Variants in ZNF516 observed in about 807,000 individuals in gnomAD.
ZNF516 encodes zinc finger protein 516.
In ZNF516, 19 loss-of-function variants were observed where a neutral mutation model predicts 79.7. The ratio of observed to expected loss-of-function variants is 0.24; its 90% confidence interval spans 0.17 to 0.35. The LOEUF is 0.35. ZNF516 is among the 10% of genes least tolerant of loss of function. The probability of loss-of-function intolerance (pLI) is 1.00; values close to 1 mark genes in which losing one functional copy is unlikely to be tolerated. For synonymous variants in ZNF516, 877 were observed against 739.5 expected (o/e 1.19, Z -3.02); for missense variants, 1,678 against 1,679.5 (o/e 1.00, Z 0.02).
At chr18:76,366,657 C>A (rs573711402) in intron 6 of ZNF516, among the ~76,000 whole-genome samples, 6 of 151,892 alleles carry the variant, frequency 4.0e-5, no homozygotes, top group Non-Finnish European at 8.8e-5. Flanking sequence ...GATGTGTTCA[C>A]GTGTGTGCTC....
chr18:76,461,928 G>A (rs1482642596), intron 2 of ZNF516, among the ~76,000 whole-genome samples: 4 of 152,232 alleles, frequency 2.6e-5, no homozygotes, highest in Non-Finnish European at 4.4e-5. Context: ...CCCTGCAGGC[G>A]TGTGGTATGT....
At chr18:76,409,129 A>C (rs989808647) in intron 3 of ZNF516, among the ~76,000 whole-genome samples, 3 of 152,158 alleles carry the variant, frequency 2.0e-5, no homozygotes, top group Non-Finnish European at 4.4e-5. Context: ...AAATATTTAC[A>C]TAGCTAAAGT....
rs373230192 is a variant in ZNF516, at chr18:76,379,139, C to T, written c.2975G>A (p.Gly992Glu). 26 of 1,612,832 alleles carry T rather than the reference C, an allele frequency of 1.6e-5. No homozygotes were observed. In the African/African-American group the frequency reaches 3.3e-4, roughly 21 times the overall value. The change falls in exon 4 of 7, where the codon GGG (glycine) becomes GAG (glutamate). Residue 992 changes from glycine (G) to glutamate (E), a missense_variant. By Grantham distance (98) the Gly-to-Glu change is moderately conservative. Around this residue, in one of 5 missense-constraint regions of ZNF516, gnomAD observed 1,294 missense variants for 1,248.3 expected, o/e 1.04. Transcript: ENST00000443185. ...PQGPPPAKGEGGAPPLPPREP... is the reference protein window; with the variant it reads ...PQGPPPAKGEEGAPPLPPREP... ...GCGGGGAGGTAGAGGAGGAGCGCCC[C>T]CTTCGCCCTTTGCAGGAGGTGGACC... is the stretch of plus-strand genomic sequence containing the variant.
chr18:76,428,341 C>T (rs1372823270), intron 3 of ZNF516, among the ~76,000 whole-genome samples: 6 of 150,466 alleles, frequency 4.0e-5, no homozygotes, highest in Non-Finnish European at 8.9e-5. Flanking sequence ...TGCAGTGAGC[C>T]GAGATCGCAC....
Position 76,442,173 on chromosome 18 carries a change from G to A in ZNF516, c.882C>T (p.His294=). ...CCGTCTTGGGGCCGTGCGCCTTCATGTGGTTCTTGAGGAACCAGGGCTCCT... is the reference window on the plus strand; with the variant it reads ...CCGTCTTGGGGCCGTGCGCCTTCATATGGTTCTTGAGGAACCAGGGCTCCT... The part of the protein sequence containing the change: ...RFKEPWFLKN[H]MKAHGPKTGS... The change falls in exon 3 of 7, where the codon CAC becomes CAT. Residue 294 remains histidine, a synonymous_variant. Coordinates refer to ENST00000443185, the MANE Select transcript of ZNF516 (RefSeq NM_014643.4). 6 of 1,613,946 alleles carry A rather than the reference G, an allele frequency of 3.7e-6. No homozygotes were observed. The highest frequency in any genetic ancestry group is 1.1e-5 in the South Asian group (1 of 91,092).
At chr18:76,405,000 G>A (rs933118716) in intron 3 of ZNF516, among the ~76,000 whole-genome samples, 16 of 152,110 alleles carry the variant, frequency 1.1e-4, no homozygotes, top group Non-Finnish European at 1.0e-4. Flanking sequence ...CAGCAACCCA[G>A]GTATAAGCAG....
At chr18:76,424,507 T>C (rs1327933900) in intron 3 of ZNF516, among the ~76,000 whole-genome samples, 59 of 91,584 alleles carry the variant, frequency 6.4e-4, no homozygotes, top group South Asian at 1.5e-3. Flanking sequence ...GGTGAAAAGG[T>C]TCCCCCATGA....
At chr18:76,429,248 G>C (rs2075632527) in intron 3 of ZNF516, among the ~76,000 whole-genome samples, 1 of 152,228 alleles carries the variant, frequency 6.6e-6, no homozygotes, top group Non-Finnish European at 1.5e-5. Flanking sequence ...GTCCCAGGAG[G>C]AAACAGGTGT....
chr18:76,397,636 C>CA (rs2075164991), intron 3 of ZNF516, among the ~76,000 whole-genome samples: 1 of 152,242 alleles, frequency 6.6e-6, no homozygotes, highest in African/African-American at 2.4e-5. Flanking sequence ...CTTGCTCTGT[C>CA]ACCCGGGCTG....
At position 76,448,325 on chromosome 18, in the gene ZNF516, G is replaced by A. The variant is rs77286869; in HGVS notation, c.-157-5114C>T. On this transcript the variant is annotated intron_variant, in intron 2 of 6. Coordinates refer to ENST00000443185, the MANE Select transcript of ZNF516 (RefSeq NM_014643.4). Reference sequence around the variant, plus strand: ...GATTACTTACATTTGCTAAATTTGGGATACATTTACTCTGTAGGCCAGTAT... The same window carrying A: ...GATTACTTACATTTGCTAAATTTGGAATACATTTACTCTGTAGGCCAGTAT... Among the ~76,000 whole-genome samples, 440 of 152,140 alleles carry A rather than the reference G, an allele frequency of 2.9e-3. 3 individuals are homozygous for A. The highest frequency in any genetic ancestry group is 0.01 in the African/African-American group (421 of 41,510).
At position 76,379,454 on chromosome 18, in the gene ZNF516, T is replaced by G; in HGVS notation, c.2660A>C (p.Gln887Pro). The G allele has an allele frequency of 6.2e-7, 1 of 1,613,436 alleles. No individual in the cohort carries two copies. Among genetic ancestry groups the G allele is most frequent in the Non-Finnish European group, 8.5e-7 (1 of 1,179,844 alleles). Residue 887 changes from glutamine to proline, a missense_variant, in exon 4 of 7, where the codon CAG becomes CCG. Transcript: ENST00000443185. ...LWAPGPDGYRQTKPCHGQEPH... is the reference protein window; with the variant it reads ...LWAPGPDGYRPTKPCHGQEPH... ...CTCCTGGCCGTGACAAGGTTTGGTCTGTCGATACCCGTCAGGGCCGGGCGC... is the reference window on the plus strand; with the variant it reads ...CTCCTGGCCGTGACAAGGTTTGGTCGGTCGATACCCGTCAGGGCCGGGCGC...
intron 3 of ZNF516, among the ~76,000 whole-genome samples, chr18:76,384,600 A>G (rs1599158243): frequency 2.4e-5 from 2 of 83,010 alleles, no homozygotes; most frequent in Admixed American, 1.1e-4. Flanking sequence ...CACAGCTCCC[A>G]TCCCCCACCC....
intron 2 of ZNF516, among the ~76,000 whole-genome samples, chr18:76,448,616 G>A (rs553947715): frequency 1.5e-4 from 23 of 152,264 alleles, no homozygotes; most frequent in Admixed American, 8.5e-4. Flanking sequence ...CAAACATAGC[G>A]GAAGCAGTCT....
chr18:76,402,696 C>A (rs1414074304), intron 3 of ZNF516, among the ~76,000 whole-genome samples: 1 of 152,260 alleles, frequency 6.6e-6, no homozygotes, highest in East Asian at 1.9e-4. Context: ...AACTTCAGAT[C>A]AGCGATGACT....
At chr18:76,413,007 C>T (rs933218652) in intron 3 of ZNF516, among the ~76,000 whole-genome samples, 6 of 152,220 alleles carry the variant, frequency 3.9e-5, no homozygotes, top group Admixed American at 3.9e-4. Flanking sequence ...GCCCACTTCT[C>T]CTTAGACATG....
chr18:76,381,685 G>A (rs970228940), intron 3 of ZNF516, among the ~76,000 whole-genome samples: 4 of 152,162 alleles, frequency 2.6e-5, no homozygotes, highest in South Asian at 2.1e-4. Context: ...TTCAATCAGC[G>A]GGCAGTTAGT....
chr18:76,363,327 A>C (rs1001740642), intron 6 of ZNF516, among the ~76,000 whole-genome samples: 2 of 152,256 alleles, frequency 1.3e-5, no homozygotes, highest in Admixed American at 6.5e-5. Context: ...ATGCATACAT[A>C]AACTAAGGGA....
At chr18:76,444,955 C>T (rs1911952065) in intron 2 of ZNF516, among the ~76,000 whole-genome samples, 2 of 152,312 alleles carry the variant, frequency 1.3e-5, no homozygotes, top group East Asian at 1.9e-4. Context: ...TAAGGAAACA[C>T]GAGCAGCCTC....
chr18:76,477,231 A>G (rs780204175), intron 1 of ZNF516, among the ~76,000 whole-genome samples: 2 of 152,230 alleles, frequency 1.3e-5, no homozygotes, highest in African/African-American at 4.8e-5. Flanking sequence ...CTGCAATTCC[A>G]CAAGTCAGAC....
Sources: gnomAD v4.1 joint callset for allele counts (sites outside exome capture counted in the v4.1 genomes callset) on GRCh38, gnomAD v4.1.1 for gene constraint, gnomAD v4.1.1 regional missense constraint, MANE v1.5 for transcripts, NCBI Gene and HGNC (gene_info 2026-07-23, HGNC 2026-07-21) for gene names.